CXCL2: variants seen among roughly 807,000 people sequenced by gnomAD.
CXCL2 encodes C-X-C motif chemokine ligand 2, also known as C-X-C motif chemokine 2.
CXCL2 carries 12 observed loss-of-function variants against 11.2 expected under a neutral mutation model. The observed-to-expected ratio is 1.08, with a 90% CI of 0.69 to 1.74. The LOEUF (loss-of-function observed/expected upper bound fraction) is 1.74, where lower values mean the gene tolerates loss of function less well. CXCL2 is among the 40% of genes most tolerant of loss of function. The probability of loss-of-function intolerance (pLI) is 0.00; values close to 1 mark genes in which losing one functional copy is unlikely to be tolerated. For missense variants in CXCL2, 120 were observed against 137.8 expected, an observed-to-expected ratio of 0.87 and a Z score of 0.65; for synonymous variants, 68 against 61.9, an observed-to-expected ratio of 1.10 and a Z score of -0.47.
chr4:74,097,323 C>T lies in CXCL2; in HGVS notation c.*433G>A, dbSNP rs560175417. On this transcript the variant is annotated 3_prime_UTR_variant, in exon 4 of 4. Coordinates refer to ENST00000508487, the MANE Select transcript of CXCL2 (RefSeq NM_002089.4). Reference sequence around the variant, plus strand: ...ACACACATACATTTCCCTGCCGTCACATTGATCTCACTGGCCATTTTCTTG... The same window carrying T: ...ACACACATACATTTCCCTGCCGTCATATTGATCTCACTGGCCATTTTCTTG... 1 of 152,624 alleles carries T rather than the reference C, an allele frequency of 6.6e-6. No homozygotes were observed. The highest frequency in any genetic ancestry group is 1.5e-5 in the Non-Finnish European group (1 of 68,240). The allele number at this position is 152,624 out of a possible 1,614,324, so 9.5% of individuals were successfully genotyped here. A position where few individuals can be genotyped will look rare whatever the true frequency, so the allele number is the denominator to read the frequency against.
chr4:74,097,981 G>A (rs878947314), intron 3 of CXCL2, among the ~76,000 whole-genome samples: 17 of 152,296 alleles, frequency 1.1e-4, no homozygotes, highest in South Asian at 8.3e-4. Flanking sequence ...GTGACGTGGG[G>A]TGGAGGAGTG....
chr4:74,097,977 T>C (rs1201875154), intron 3 of CXCL2, among the ~76,000 whole-genome samples: 1 of 152,102 alleles, frequency 6.6e-6, no homozygotes, highest in Admixed American at 6.6e-5. Context: ...GGGGGTGACG[T>C]GGGGTGGAGG....
At chr4:74,098,254 T>C (rs1721323386) in intron 3 of CXCL2, among the ~76,000 whole-genome samples, 1 of 152,208 alleles carries the variant, frequency 6.6e-6, no homozygotes, top group African/African-American at 2.4e-5. Flanking sequence ...GGGGGTCTGC[T>C]TTTCAGGTCT....
At chr4:74,098,521 G>A (rs1054428510) in intron 3 of CXCL2, 80 bp downstream of exon 3, 9 of 1,453,056 alleles carry the variant, frequency 6.2e-6, no homozygotes, top group Non-Finnish European at 6.7e-6. Context: ...GGGTTTTCCT[G>A]ATTTACTTTT....
Position 74,099,055 on chromosome 4 carries a change from G to C in CXCL2, c.66C>G (p.Leu22=), listed in dbSNP as rs1721351087. 8.0e-6 allele frequency: 12 copies of C among 1,493,320 alleles called. No homozygotes were observed. In the South Asian group the frequency reaches 1.5e-4, roughly 19 times the overall value. 92.5% of individuals were successfully genotyped at this position (1,493,320 alleles called of 1,614,324 possible). A position where few individuals can be genotyped will look rare whatever the true frequency, so the allele number is the denominator to read the frequency against. ...GCCGGCTGGCGGCCACCAGGAGCAG[G>C]AGCAGCAGCGCCACCCGCAGGAGCC... ...NPRLLRVALL[L]LLLVAASRRA... is the part of the protein sequence containing the mutation. Residue 22 remains leucine (L), a synonymous_variant, in exon 1 of 4, where the codon CTC becomes CTG. Coordinates refer to ENST00000508487, the MANE Select transcript of CXCL2 (RefSeq NM_002089.4).
rs913322367 is a variant in CXCL2, at chr4:74,097,688, C to T, written c.*68G>A. 3 of 1,513,906 alleles carry T rather than the reference C, an allele frequency of 2.0e-6. No individual in the cohort carries two copies. The highest frequency in any genetic ancestry group is 1.4e-5 in the African/African-American group (1 of 72,456). The allele number at this position is 1,513,906 out of a possible 1,614,324, so 93.8% of individuals were successfully genotyped here. Reference sequence around the variant, plus strand: ...CTCTGCAGCTGTGTCTCTCTTTCCTCTTCTGTTCCTGTAAGGGCAGGGCCT... The same window carrying T: ...CTCTGCAGCTGTGTCTCTCTTTCCTTTTCTGTTCCTGTAAGGGCAGGGCCT... On this transcript the variant is annotated 3_prime_UTR_variant, in exon 4 of 4. Transcript: ENST00000508487.
Position 74,098,612 on chromosome 4 carries a change from C to T in CXCL2, c.297G>A (p.Lys99=), listed in dbSNP as rs1466359969. The T allele has an allele frequency of 1.2e-6, 2 of 1,614,106 alleles. No individual in the cohort carries two copies. Among genetic ancestry groups the T allele is most frequent in the South Asian group, 2.2e-5 (2 of 91,060 alleles). ...ASPMVKKIIE[K]MLKNGKSN ...AAATTATAACTTACTTTTTCAGCAT[C>T]TTTTCGATGATTTTCTTAACCATGG... is the stretch of plus-strand genomic sequence containing the variant. Residue 99 remains lysine (K), a synonymous_variant, in exon 3 of 4, where the codon AAG becomes AAA. Coordinates refer to ENST00000508487, the MANE Select transcript of CXCL2 (RefSeq NM_002089.4).
chr4:74,098,811 T>C lies in CXCL2; in HGVS notation c.212A>G (p.Gln71Arg). 1.2e-6 allele frequency: 2 copies of C among 1,614,042 alleles called. No homozygotes were observed. Among genetic ancestry groups the C allele is most frequent in the Non-Finnish European group, 1.7e-6 (2 of 1,179,952 alleles). Residue 71 changes from glutamine (Q) to arginine (R), a missense_variant, in exon 2 of 4, where the codon CAA becomes CGA. Transcript: ENST00000508487. Reference sequence around the variant, plus strand: ...GGGCGAGACTTACATGACTTCGGTTTGGGCGCAGTGGGGTCCGGGGGACTT... The same window carrying C: ...GGGCGAGACTTACATGACTTCGGTTCGGGCGCAGTGGGGTCCGGGGGACTT... ...KVKSPGPHCA[Q>R]TEVIATLKNG...
In CXCL2 at chr4:74,097,497, C is replaced by T. The variant is rs1721304712; in HGVS notation, c.*259G>A. The T allele has an allele frequency of 4.0e-6, 1 of 250,928 alleles. No homozygotes were observed. Among genetic ancestry groups the T allele is most frequent in the Non-Finnish European group, 7.4e-6 (1 of 134,344 alleles). The allele number at this position is 250,928 out of a possible 1,614,324, so 15.5% of individuals were successfully genotyped here. ...TAACTTGGGTTTGACCTAAAATAAACAATAAATATAATGGGAGAGTGTGCA... is the reference window on the plus strand; with the variant it reads ...TAACTTGGGTTTGACCTAAAATAAATAATAAATATAATGGGAGAGTGTGCA... On this transcript the variant is annotated 3_prime_UTR_variant, in exon 4 of 4. Coordinates refer to ENST00000508487, the MANE Select transcript of CXCL2 (RefSeq NM_002089.4).
At chr4:74,098,957 T>C in intron 1 of CXCL2, 35 bp from the exon 2 acceptor site, 1 of 1,598,028 alleles carries the variant, frequency 6.3e-7, no homozygotes, top group Non-Finnish European at 8.5e-7. Context: ...TGAGCGGGGC[T>C]GTCGGCGCGG....
chr4:74,097,917 G>T (rs1721316376), intron 3 of CXCL2, 146 bp from the exon 4 acceptor site: 3 of 792,486 alleles, frequency 3.8e-6, no homozygotes, highest in African/African-American at 3.5e-5. Flanking sequence ...GCCTGTGACA[G>T]CTGTGCTGTG....
chr4:74,097,841 C>G (rs1233800719), intron 3 of CXCL2, 70 bp from the exon 4 acceptor site: 2 of 1,463,592 alleles, frequency 1.4e-6, no homozygotes, highest in East Asian at 2.4e-5. Flanking sequence ...CTTCTCCTGT[C>G]CTGTTTCCCC....
In CXCL2 at chr4:74,097,593, A is replaced by ATAAG. The variant is rs1359986233; in HGVS notation, c.*162_*163insCTTA. On this transcript the variant is annotated 3_prime_UTR_variant, in exon 4 of 4. Transcript: ENST00000508487. ...AGAATCTTCTAAAACAAACAAATAA[A>ATAAG]TAAATAAATAAATAAATAGAAGACT... is the stretch of plus-strand genomic sequence containing the variant. 5 of 444,180 alleles carry ATAAG rather than the reference A, an allele frequency of 1.1e-5. No homozygotes were observed. The highest frequency in any genetic ancestry group is 7.7e-5 in the East Asian group (2 of 26,052). The allele number at this position is 444,180 out of a possible 1,614,324, so 27.5% of individuals were successfully genotyped here.
intron 2 of CXCL2, 35 bp downstream of exon 2, chr4:74,098,764 C>A (rs757118828): frequency 6.2e-7 from 1 of 1,613,536 alleles, no homozygotes; most frequent in East Asian, 2.2e-5. Flanking sequence ...TCGGGGACCC[C>A]AGCAGTGGCA....
Position 74,099,125 on chromosome 4 carries a change from C to T in CXCL2, c.-5G>A. The T allele has an allele frequency of 6.7e-7, 1 of 1,487,742 alleles. No homozygotes were observed. The highest frequency in any genetic ancestry group is 1.9e-4 in the Middle Eastern group (1 of 5,162). The allele number at this position is 1,487,742 out of a possible 1,614,324, so 92.2% of individuals were successfully genotyped here. On this transcript the variant is annotated 5_prime_UTR_variant, in exon 1 of 4. Coordinates refer to ENST00000508487, the MANE Select transcript of CXCL2 (RefSeq NM_002089.4). ...GGAGAGCGTGGCGCGGGCCATGGGG[C>T]TCAGCAGGCGGTTCGAGCGGCTGTG...
intron 3 of CXCL2, 22 bp from the exon 4 acceptor site, chr4:74,097,793 C>T: frequency 1.9e-6 from 3 of 1,589,262 alleles, no homozygotes; most frequent in Non-Finnish European, 2.6e-6. Context: ...AAATGGGTGC[C>T]CTGAGTAGGT....
chr4:74,098,699 G>C lies in CXCL2; in HGVS notation c.225-15C>G. On this transcript the variant is annotated splice_polypyrimidine_tract_variant and intron_variant, in intron 2 of 3. Coordinates refer to ENST00000508487, the MANE Select transcript of CXCL2 (RefSeq NM_002089.4). Reference sequence around the variant, plus strand: ...TGAGTGTGGCTCTGCAGAGAGAAGGGAATCTCGTGAGACAGGAGGTCGGGC... The same window carrying C: ...TGAGTGTGGCTCTGCAGAGAGAAGGCAATCTCGTGAGACAGGAGGTCGGGC... 1 of 1,614,124 alleles carries C rather than the reference G, an allele frequency of 6.2e-7. No homozygotes were observed. The highest frequency in any genetic ancestry group is 8.5e-7 in the Non-Finnish European group (1 of 1,180,000).
In CXCL2 at chr4:74,099,179, T is replaced by C. The variant is rs1721356098; in HGVS notation, c.-59A>G. On this transcript the variant is annotated 5_prime_UTR_variant, in exon 1 of 4. Transcript: ENST00000508487. Reference sequence around the variant, plus strand: ...GGAGGAGAGCTGGCAAGGAGCTGCCTGTGGCCCGGGCTCTGTGGCTCTCCG... The same window carrying C: ...GGAGGAGAGCTGGCAAGGAGCTGCCCGTGGCCCGGGCTCTGTGGCTCTCCG... 2.8e-6 allele frequency: 4 copies of C among 1,421,670 alleles called. No homozygotes were observed. Among genetic ancestry groups the C allele is most frequent in the Non-Finnish European group, 3.7e-6 (4 of 1,091,756 alleles). 88.1% of individuals were successfully genotyped at this position (1,421,670 alleles called of 1,614,324 possible).
At position 74,097,611 on chromosome 4, in the gene CXCL2, AG is replaced by A; in HGVS notation, c.*144del. 9.8e-6 allele frequency: 5 copies of A among 508,318 alleles called. No individual in the cohort carries two copies. Among genetic ancestry groups the A allele is most frequent in the Non-Finnish European group, 1.6e-5 (5 of 318,400 alleles). The allele number at this position is 508,318 out of a possible 1,614,324, so 31.5% of individuals were successfully genotyped here. A position where few individuals can be genotyped will look rare whatever the true frequency, so the allele number is the denominator to read the frequency against. ...CAAATAAATAAATAAATAAATAAAT[AG>A]AAGACTTCTCCTAAGTGATGCTCAA... On this transcript the variant is annotated 3_prime_UTR_variant, in exon 4 of 4. Coordinates refer to ENST00000508487, the MANE Select transcript of CXCL2 (RefSeq NM_002089.4).
Sources: allele counts gnomAD v4.1 joint callset (sites outside exome capture counted in the v4.1 genomes callset), GRCh38; gene constraint gnomAD v4.1.1; transcripts MANE v1.5; gene names NCBI Gene and HGNC (gene_info 2026-07-23, HGNC 2026-07-21).